The following STARD5 variants were observed in gnomAD, a reference collection of about 807,000 sequenced individuals.
The protein encoded by STARD5 is stAR-related lipid transfer protein 5.
In STARD5, 26 loss-of-function variants were observed where a neutral mutation model predicts 24.6. The ratio of observed to expected loss-of-function variants is 1.06; its 90% CI spans 0.77 to 1.47. STARD5 has a LOEUF of 1.47. STARD5 is among the 40% of genes most tolerant of loss of function. The pLI, the probability that STARD5 is intolerant of heterozygous loss-of-function variation, is 0.00. For missense variants in STARD5, 254 were observed against 270.8 expected (o/e 0.94, Z 0.44); for synonymous variants, 101 against 99.7 (o/e 1.01, Z -0.07).
chr15:81,316,487 G>A (rs1901085646), intron 5 of STARD5, among the ~76,000 whole-genome samples: 1 of 152,136 alleles, frequency 6.6e-6, no homozygotes, highest in South Asian at 2.1e-4. Flanking sequence ...GTGTGACCTT[G>A]GGTTAGTTAC....
chr15:81,313,424 C>T, intron 5 of STARD5, 21 bp from the exon 6 acceptor site: 4 of 1,512,864 alleles, frequency 2.6e-6, no homozygotes, highest in Non-Finnish European at 3.5e-6. Flanking sequence ...AACAGCAGAG[C>T]TGTGTTATGA....
At chr15:81,319,533 T>TGGG in intron 3 of STARD5, 77 bp from the exon 4 acceptor site, 2 of 1,312,260 alleles carry the variant, frequency 1.5e-6, no homozygotes, top group Non-Finnish European at 2.2e-6. Flanking sequence ...TCCCTCAAGG[T>TGGG]CTGGGAAAGG....
chr15:81,315,783 G>A (rs935671785), intron 5 of STARD5, among the ~76,000 whole-genome samples: 4 of 152,190 alleles, frequency 2.6e-5, no homozygotes, highest in Admixed American at 1.3e-4. Flanking sequence ...GCAAAGGCGG[G>A]ATGGGCAGGG....
chr15:81,310,503 C>T lies in STARD5; in HGVS notation c.*2753G>A, dbSNP rs150627190. The T allele has an allele frequency of 1.5e-3, 227 of 152,332 alleles. No individual in the cohort carries two copies. Among genetic ancestry groups the T allele is most frequent in the African/African-American group, 5.2e-3 (215 of 41,572 alleles). The allele number at this position is 152,332 out of a possible 1,614,324, so 9.4% of individuals were successfully genotyped here. Reference sequence around the variant, plus strand: ...CAGTAGACAAGCAATTAGACAAGAACTTGGAGGCACCATTTGTATCCACTT... The same window carrying T: ...CAGTAGACAAGCAATTAGACAAGAATTTGGAGGCACCATTTGTATCCACTT... On this transcript the variant is annotated 3_prime_UTR_variant, in exon 6 of 6. Transcript: ENST00000302824.
At position 81,311,125 on chromosome 15, in the gene STARD5, G is replaced by A. The variant is rs553381174; in HGVS notation, c.*2131C>T. ...CATGATGCTGGGATTTACACTTGAG[G>A]CTTAGCTTTGCTCTGCCAACTTCTT... On this transcript the variant is annotated 3_prime_UTR_variant, in exon 6 of 6. Coordinates refer to ENST00000302824, the MANE Select transcript of STARD5 (RefSeq NM_181900.3). 6.6e-6 allele frequency: 1 copy of A among 152,300 alleles called. No homozygotes were observed. Among genetic ancestry groups the A allele is most frequent in the African/African-American group, 2.4e-5 (1 of 41,574 alleles). 9.4% of individuals were successfully genotyped at this position (152,300 alleles called of 1,614,324 possible).
Position 81,313,008 on chromosome 15 carries a change from G to A in STARD5, c.*248C>T, listed in dbSNP as rs1900944388. The stretch of plus-strand genomic sequence containing the variant: ...CTGGGTCTACCCTGCCAGGAGAGGC[G>A]TGTTTGGGTAACAGGCAGATGGAGT... On this transcript the variant is annotated 3_prime_UTR_variant, in exon 6 of 6. Coordinates refer to ENST00000302824, the MANE Select transcript of STARD5 (RefSeq NM_181900.3). 4.1e-6 allele frequency: 1 copy of A among 242,816 alleles called. No homozygotes were observed. The allele number at this position is 242,816 out of a possible 1,614,324, so 15.0% of individuals were successfully genotyped here.
intron 5 of STARD5, among the ~76,000 whole-genome samples, chr15:81,316,915 C>T (rs891405367): frequency 6.6e-5 from 10 of 152,060 alleles, no homozygotes; most frequent in Admixed American, 3.9e-4. Flanking sequence ...TCCATGCAAT[C>T]GGGCCAGGCG....
At chr15:81,318,663 C>T (rs1901132781) in intron 4 of STARD5, among the ~76,000 whole-genome samples, 161 bp from the exon 5 acceptor site, 2 of 152,172 alleles carry the variant, frequency 1.3e-5, no homozygotes, top group South Asian at 4.1e-4. Flanking sequence ...ACCCTACTGC[C>T]CCTTACACTC....
Position 81,313,225 on chromosome 15 carries a change from G to C in STARD5, c.*31C>G. The C allele has an allele frequency of 4.0e-6, 6 of 1,513,312 alleles. No homozygotes were observed. Among genetic ancestry groups the C allele is most frequent in the Non-Finnish European group, 3.6e-6 (4 of 1,125,334 alleles). 93.7% of individuals were successfully genotyped at this position (1,513,312 alleles called of 1,614,324 possible). A position where few individuals can be genotyped will look rare whatever the true frequency, so the allele number is the denominator to read the frequency against. Reference sequence around the variant, plus strand: ...CAGCTGGAGCTCCTCGATGAGTCACGGGAGTTCTTTGCCAAGAAGTAACGA... The same window carrying C: ...CAGCTGGAGCTCCTCGATGAGTCACCGGAGTTCTTTGCCAAGAAGTAACGA... On this transcript the variant is annotated 3_prime_UTR_variant, in exon 6 of 6. Coordinates refer to ENST00000302824, the MANE Select transcript of STARD5 (RefSeq NM_181900.3).
rs763498807 is a variant in STARD5, at chr15:81,324,132, CGG to C, written c.-35_-34del. On this transcript the variant is annotated 5_prime_UTR_variant, in exon 1 of 6. Transcript: ENST00000302824. Reference sequence around the variant, plus strand: ...GGAGCTGCGCTTAGCTGCGGGGTCGCGGGTGTTATGAGCGGCGGCGCTGGATC... The same window carrying C: ...GGAGCTGCGCTTAGCTGCGGGGTCGCGTGTTATGAGCGGCGGCGCTGGATC... 2 of 1,308,308 alleles carry C rather than the reference CGG, an allele frequency of 1.5e-6. No homozygotes were observed. Among genetic ancestry groups the C allele is most frequent in the East Asian group, 6.0e-5 (2 of 33,516 alleles). 81.0% of individuals were successfully genotyped at this position (1,308,308 alleles called of 1,614,324 possible).
chr15:81,313,365 G>T lies in STARD5; in HGVS notation c.533C>A (p.Thr178Asn). ...CTGTGGGAGGTAACCGCTGAGGTCGGTATGGAAGAATGTGACCAGGTTGGT... is the reference window on the plus strand; with the variant it reads ...CTGTGGGAGGTAACCGCTGAGGTCGTTATGGAAGAATGTGACCAGGTTGGT... ...TKTNLVTFFH[T>N]DLSGYLPQNV... Residue 178 changes from threonine to asparagine, a missense_variant, in exon 6 of 6, where the codon ACC becomes AAC. Thr to Asn is a moderately conservative substitution (Grantham distance 65). Transcript: ENST00000302824. The T allele has an allele frequency of 6.3e-7, 1 of 1,578,984 alleles. No individual in the cohort carries two copies. The highest frequency in any genetic ancestry group is 8.6e-7 in the Non-Finnish European group (1 of 1,162,416).
At chr15:81,323,032 G>C (rs1893321401) in intron 1 of STARD5, 84 bp from the exon 2 acceptor site, 43 of 1,483,574 alleles carry the variant, frequency 2.9e-5, no homozygotes, top group Non-Finnish European at 4.0e-5. Context: ...ACAGAAGAGG[G>C]GTAAGAGGCC....
At chr15:81,317,182 C>G (rs963752456) in intron 5 of STARD5, among the ~76,000 whole-genome samples, 1 of 128,142 alleles carries the variant, frequency 7.8e-6, no homozygotes, top group Admixed American at 8.2e-5. Flanking sequence ...GGGTGACAGC[C>G]AAACTCCGTC....
chr15:81,322,374 A>G, intron 3 of STARD5, 34 bp downstream of exon 3: 5 of 1,613,944 alleles, frequency 3.1e-6, no homozygotes, highest in Non-Finnish European at 4.2e-6. Context: ...TGGCCCAGAC[A>G]CTATCTAGAG....
At chr15:81,316,910 G>A (rs1359590139) in intron 5 of STARD5, among the ~76,000 whole-genome samples, 1 of 152,060 alleles carries the variant, frequency 6.6e-6, no homozygotes, top group Non-Finnish European at 1.5e-5. Context: ...CAAAATCCAT[G>A]CAATCGGGCC....
intron 4 of STARD5, 131 bp downstream of exon 4, chr15:81,319,208 G>A: frequency 1.2e-6 from 1 of 807,944 alleles, no homozygotes; most frequent in Non-Finnish European, 2.1e-6. Flanking sequence ...CCAACCAGAT[G>A]AGGTAGGGGA....
intron 3 of STARD5, 137 bp from the exon 4 acceptor site, chr15:81,319,593 G>T: frequency 1.3e-6 from 1 of 757,848 alleles, no homozygotes; most frequent in Admixed American, 2.1e-5. Context: ...GATCCAGAGC[G>T]AGTCTTCCCA....
At chr15:81,314,067 G>A (rs1596069152) in intron 5 of STARD5, 1 of 152,138 alleles carries the variant, frequency 6.6e-6, no homozygotes, top group Non-Finnish European at 1.5e-5. Context: ...AACATGCAGT[G>A]CATTTTTATG....
In STARD5 at chr15:81,324,075, T is replaced by C. The variant is rs140125051; in HGVS notation, c.25A>G (p.Met9Val). The change falls in exon 1 of 6, where the codon ATG (methionine) becomes GTG (valine). Residue 9 changes from methionine (M) to valine (V), a missense_variant. Physicochemically the swap from Met to Val is conservative, Grantham distance 21. Transcript: ENST00000302824. MDPALAAQMSEAVAEKMLQ... is the reference protein window; with the variant it reads MDPALAAQVSEAVAEKMLQ... ...ATCTTCTCGGCCACAGCCTCGCTCA[T>C]CTGGGCTGCCAGCGCCGGGTCCATT... 1.8e-4 allele frequency: 281 copies of C among 1,541,900 alleles called. 2 individuals carry two copies. In the African/African-American group the frequency reaches 3.3e-3, roughly 18 times the overall value.
Sources: gnomAD v4.1 joint callset for allele counts (sites outside exome capture counted in the v4.1 genomes callset) on GRCh38, gnomAD v4.1.1 for gene constraint, MANE v1.5 for transcripts, NCBI Gene and HGNC (gene_info 2026-07-23, HGNC 2026-07-21) for gene names.